Variants in PIWIL3 observed in about 807,000 individuals in gnomAD.
PIWIL3 encodes piwi-like protein 3.
A neutral mutation model predicts 109.7 loss-of-function variants in PIWIL3; 101 were observed. The observed-to-expected ratio is 0.92, with a 90% CI of 0.78 to 1.09. The LOEUF (loss-of-function observed/expected upper bound fraction) is 1.09, where lower values mean the gene tolerates loss of function less well. Among genes scored for constraint, PIWIL3 ranks in the 50% least tolerant of loss-of-function variants. The probability of loss-of-function intolerance (pLI) is 0.00; values close to 1 mark genes in which losing one functional copy is unlikely to be tolerated. For missense variants in PIWIL3, 1,031 were observed against 1,072.6 expected (o/e 0.96, Z 0.54); for synonymous variants, 373 against 376.4 (o/e 0.99, Z 0.10).
chr22:24,751,123 CAA>C (rs879487933), intron 9 of PIWIL3, among the ~76,000 whole-genome samples: 5 of 130,450 alleles, frequency 3.8e-5, no homozygotes, highest in East Asian at 2.2e-4. Context: ...GACTCCAACT[CAA>C]AAAAAAAAAA....
Position 24,762,418 on chromosome 22 carries a change from T to TGG in PIWIL3, c.80_81dup (p.Arg28ProfsTer50). ...CTCACTGTAGCTGATCCAGGTGCTC[T>TGG]GGGTCCCCCAGGTGCCTCTTGTTGG... On this transcript the variant is annotated frameshift_variant, in exon 2 of 21. Transcript: ENST00000616349. LOFTEE classifies it high-confidence loss of function. 6.2e-7 allele frequency: 1 copy of TGG among 1,613,922 alleles called. No homozygotes were observed. The highest frequency in any genetic ancestry group is 1.1e-5 in the South Asian group (1 of 91,020).
chr22:24,764,040 G>GC (rs34682935), intron 1 of PIWIL3, among the ~76,000 whole-genome samples: 1 of 152,082 alleles, frequency 6.6e-6, no homozygotes, highest in Non-Finnish European at 1.5e-5. Context: ...ACAGCCCCAC[G>GC]CCCCGCACCG....
intron 12 of PIWIL3, among the ~76,000 whole-genome samples, chr22:24,744,468 G>A (rs1321696871): frequency 2.0e-5 from 3 of 152,068 alleles, no homozygotes; most frequent in African/African-American, 7.2e-5. Context: ...AGCTACTCAG[G>A]AGGCTGAGGC....
rs1924856790 is a variant in PIWIL3, at chr22:24,753,951, T to TC, written c.977+62dup. On this transcript the variant is annotated intron_variant, in intron 8 of 20. Transcript: ENST00000616349. ...TAGTGATTAGAAAACTATAGGACCA[T>TC]CTCTTGGGGTGGGGGAAGGGGGAGT... 8 of 1,387,584 alleles carry TC rather than the reference T, an allele frequency of 5.8e-6. No homozygotes were observed. The South Asian group carries it at 8.7e-5, about 15-fold the overall frequency. 86.0% of individuals were successfully genotyped at this position (1,387,584 alleles called of 1,614,324 possible).
rs187060372 is a variant in PIWIL3, at chr22:24,750,953, G to A, written c.1089+434C>T. On this transcript the variant is annotated intron_variant, in intron 9 of 20. Transcript: ENST00000616349. ...AGCCTGACCAATATGGTGAAACCCC[G>A]TCTCTACTAAAAATACAAAAATTAG... Among the ~76,000 whole-genome samples the A allele has an allele frequency of 5.9e-3, 890 of 151,376 alleles. 6 individuals are homozygous for A. Among genetic ancestry groups the A allele is most frequent in the African/African-American group, 0.02 (842 of 41,322 alleles).
chr22:24,763,547 G>A (rs1053552109), intron 1 of PIWIL3, among the ~76,000 whole-genome samples: 3 of 152,178 alleles, frequency 2.0e-5, no homozygotes, highest in Non-Finnish European at 4.4e-5. Context: ...TGATCCACCC[G>A]CCTCAGCCTC....
Position 24,744,925 on chromosome 22 carries a change from C to T in PIWIL3, c.1449+3982G>A, listed in dbSNP as rs542859807. Among the ~76,000 whole-genome samples, 40 of 152,248 alleles carry T rather than the reference C, an allele frequency of 2.6e-4. No homozygotes were observed. The Middle Eastern group carries it at 0.014, about 52-fold the overall frequency. ...CAGAAGATTTCAGCCAATAGCTGCA[C>T]GATGAACATTCTTTTCCTCAGTACA... is the stretch of plus-strand genomic sequence containing the variant. On this transcript the variant is annotated intron_variant, in intron 12 of 20. Coordinates refer to ENST00000616349, the MANE Select transcript of PIWIL3 (RefSeq NM_001255975.1).
chr22:24,733,955 A>G, intron 14 of PIWIL3, 129 bp downstream of exon 14: 1 of 908,842 alleles, frequency 1.1e-6, no homozygotes. Context: ...TATTCAGCTA[A>G]TAGCAGGTTA....
Position 24,748,919 on chromosome 22 carries a change from T to C in PIWIL3, c.1437A>G (p.Gln479=), listed in dbSNP as rs555373979. The part of the protein sequence containing the change: ...GRVLKNANIV[Q]GRRMVKANSQ... ...GAAACTGTCTTACCATTCTTCTGCC[T>C]TGCACGATGTTTGCGTTTTTCAAAA... Residue 479 remains glutamine (Q), a synonymous_variant, in exon 12 of 21, where the codon CAA becomes CAG. Coordinates refer to ENST00000616349, the MANE Select transcript of PIWIL3 (RefSeq NM_001255975.1). 3.2e-5 allele frequency: 52 copies of C among 1,611,250 alleles called. No individual in the cohort carries two copies. In the South Asian group the frequency reaches 4.5e-4, roughly 14 times the overall value.
chr22:24,758,116 A>C (rs1925204232), intron 3 of PIWIL3, 77 bp from the exon 4 acceptor site: 2 of 1,466,452 alleles, frequency 1.4e-6, no homozygotes, highest in Non-Finnish European at 1.8e-6. Flanking sequence ...ACCCAGCATA[A>C]GTTTGTTAGA....
chr22:24,763,842 G>A (rs1443890290), intron 1 of PIWIL3, among the ~76,000 whole-genome samples: 4 of 147,948 alleles, frequency 2.7e-5, no homozygotes, highest in African/African-American at 9.9e-5. Flanking sequence ...TCGGCCCTTT[G>A]GACTCCGCTC....
intron 12 of PIWIL3, among the ~76,000 whole-genome samples, chr22:24,739,621 C>G (rs1389779176): frequency 6.6e-6 from 1 of 151,972 alleles, no homozygotes; most frequent in Non-Finnish European, 1.5e-5. Context: ...AGGACAAAGA[C>G]TTTTCCAGAC....
chr22:24,763,358 C>T (rs1925564001), intron 1 of PIWIL3, among the ~76,000 whole-genome samples: 1 of 150,442 alleles, frequency 6.6e-6, no homozygotes, highest in Non-Finnish European at 1.5e-5. Context: ...TGGAGTGCAG[C>T]GGGGAAATCT....
intron 10 of PIWIL3, 35 bp from the exon 11 acceptor site, chr22:24,749,556 C>T: frequency 6.2e-7 from 1 of 1,611,808 alleles, no homozygotes; most frequent in Non-Finnish European, 8.5e-7. Flanking sequence ...GCTGAACAAG[C>T]ATGAATTTGA....
At chr22:24,758,421 G>A (rs780607317) in intron 3 of PIWIL3, among the ~76,000 whole-genome samples, 5 of 152,116 alleles carry the variant, frequency 3.3e-5, no homozygotes, top group Non-Finnish European at 5.9e-5. Flanking sequence ...CTATAAAACT[G>A]GCTTTTAATA....
At position 24,725,041 on chromosome 22, in the gene PIWIL3, A is replaced by G. The variant is rs772345175; in HGVS notation, c.2081-4T>C. ...TTACACCAGACATCCAGGGCAGCTAAGAGGAAATCAGAAAAAGTAAATAAA... is the reference window on the plus strand; with the variant it reads ...TTACACCAGACATCCAGGGCAGCTAGGAGGAAATCAGAAAAAGTAAATAAA... On this transcript the variant is annotated splice_polypyrimidine_tract_variant and splice_region_variant and intron_variant, in intron 17 of 20. Coordinates refer to ENST00000616349, the MANE Select transcript of PIWIL3 (RefSeq NM_001255975.1). The G allele has an allele frequency of 4.3e-6, 7 of 1,613,604 alleles. No individual in the cohort carries two copies. The highest frequency in any genetic ancestry group is 5.9e-6 in the Non-Finnish European group (7 of 1,179,602).
intron 1 of PIWIL3, among the ~76,000 whole-genome samples, chr22:24,768,038 C>T (rs1043421178): frequency 6.6e-6 from 1 of 152,180 alleles, no homozygotes; most frequent in Non-Finnish European, 1.5e-5. Flanking sequence ...TGCTCACATT[C>T]ACTGTCAGGT....
In PIWIL3 at chr22:24,755,855, T is replaced by C. The variant is rs370705625; in HGVS notation, c.621A>G (p.Thr207=). 1.9e-6 allele frequency: 3 copies of C among 1,613,952 alleles called. No homozygotes were observed. In the South Asian group the frequency reaches 3.3e-5, roughly 18 times the overall value. ...GCGTGAGTTCTTTGGAAAACTCAAC[T>C]GTAATCTTCACGATGTTTTTGTCTT... ...TTKDKNIVKI[T]VEFSKELTPT... The change falls in exon 6 of 21, where the codon ACA becomes ACG. Residue 207 remains threonine (T), a synonymous_variant. Transcript: ENST00000616349.
chr22:24,753,864 T>C, intron 8 of PIWIL3, 150 bp downstream of exon 8: 1 of 652,100 alleles, frequency 1.5e-6, no homozygotes. Flanking sequence ...TCCCAAGTTG[T>C]ATAACCAGAG....
Sources: allele counts gnomAD v4.1 joint callset (sites outside exome capture counted in the v4.1 genomes callset), GRCh38; gene constraint gnomAD v4.1.1; transcripts MANE v1.5; gene names NCBI Gene and HGNC (gene_info 2026-07-23, HGNC 2026-07-21).